The following LANCL1 variants were observed in gnomAD, a reference collection of about 807,000 sequenced individuals.
LANCL1 encodes glutathione S-transferase LANCL1.
Under a neutral mutation model 50.6 loss-of-function variants are expected in LANCL1, and 50 were observed. That is an observed-to-expected ratio of 0.99 (90% confidence interval 0.79 to 1.25). LANCL1 has a LOEUF of 1.25. Ranked by LOEUF, LANCL1 falls within the 50% of genes most tolerant of loss-of-function variation. LANCL1 has a pLI of 0.00. For synonymous variants in LANCL1, 188 were observed against 178.6 expected (o/e 1.05, Z -0.42); for missense variants, 532 against 480.7 (o/e 1.11, Z -1.00).
rs761693716 is a variant in LANCL1 at position 210,476,306 on chromosome 2, C to A, written c.81+10G>T. 97 of 1,608,260 alleles carry A rather than the reference C, an allele frequency of 6.0e-5. No individual in the cohort carries two copies. Among genetic ancestry groups the A allele is most frequent in the Non-Finnish European group, 7.6e-5 (89 of 1,174,874 alleles). ...AGGCAGGGATGCAGGCAGACATATCCTAAACTCACCCTCCCGGCAGCATCA... is the reference window on the plus strand; with the variant it reads ...AGGCAGGGATGCAGGCAGACATATCATAAACTCACCCTCCCGGCAGCATCA... On this transcript the variant is annotated intron_variant, in intron 2 of 9. Coordinates refer to ENST00000450366, the MANE Select transcript of LANCL1 (RefSeq NM_006055.3).
chr2:210,440,688 C>T lies in LANCL1; in HGVS notation c.600G>A (p.Thr200=), dbSNP rs141027852. 39 of 1,613,862 alleles carry T rather than the reference C, an allele frequency of 2.4e-5. No homozygotes were observed. The highest frequency in any genetic ancestry group is 4.5e-5 in the East Asian group (2 of 44,866). Residue 200 remains threonine, a synonymous_variant, in exon 6 of 10, where the codon ACG becomes ACA. Transcript: ENST00000450366. ...ATTCATACATCAGTGGAGACTTTGC[C>T]GTGAAGTTTCTCTTCCTAGCTAGGT... is the stretch of plus-strand genomic sequence containing the variant. The part of the protein sequence containing the change: ...GENLARKRNF[T]AKSPLMYEWY...
Position 210,474,799 on chromosome 2 carries a change from G to C in LANCL1, c.81+1517C>G, listed in dbSNP as rs79382309. Reference sequence around the variant, plus strand: ...ATAAAAAGCATTTACTTTATAGGCAGTCTAAATAGGTACATTTTATTGAAG... The same window carrying C: ...ATAAAAAGCATTTACTTTATAGGCACTCTAAATAGGTACATTTTATTGAAG... On this transcript the variant is annotated intron_variant, in intron 2 of 9. Transcript: ENST00000450366. Among the ~76,000 whole-genome samples the C allele has an allele frequency of 9.7e-3, 1,466 of 151,538 alleles. 20 individuals carry two copies. Among genetic ancestry groups the C allele is most frequent in the African/African-American group, 0.033 (1,376 of 41,388 alleles).
At chr2:210,457,296 C>T (rs1693700964) in intron 3 of LANCL1, among the ~76,000 whole-genome samples, 1 of 152,096 alleles carries the variant, frequency 6.6e-6, no homozygotes, top group East Asian at 1.9e-4. Context: ...CATTTAATAC[C>T]TCATCAGTAT....
In LANCL1 at chr2:210,449,730, AC is replaced by A. The variant is rs1201537337; in HGVS notation, c.407+5376del. On this transcript the variant is annotated intron_variant, in intron 4 of 9. Coordinates refer to ENST00000450366, the MANE Select transcript of LANCL1 (RefSeq NM_006055.3). ...AGACAAAGAGCCAAATCATGGGTGAACTCCCATTCACAATTGTTACAAAGAG... is the reference window on the plus strand; with the variant it reads ...AGACAAAGAGCCAAATCATGGGTGAATCCCATTCACAATTGTTACAAAGAG... Among the ~76,000 whole-genome samples, 6 of 152,280 alleles carry A rather than the reference AC, an allele frequency of 3.9e-5. No individual in the cohort carries two copies. The East Asian group carries it at 1.2e-3, about 29-fold the overall frequency.
chr2:210,445,992 T>C (rs978678988), intron 4 of LANCL1, among the ~76,000 whole-genome samples: 15 of 152,206 alleles, frequency 9.9e-5, no homozygotes, highest in African/African-American at 3.6e-4. Flanking sequence ...CCTATCTCCC[T>C]AGGACAGAGC....
At position 210,436,104 on chromosome 2, in the gene LANCL1, TG is replaced by T. The variant is rs537532448; in HGVS notation, c.1050+111del. On this transcript the variant is annotated intron_variant, in intron 8 of 9. Coordinates refer to ENST00000450366, the MANE Select transcript of LANCL1 (RefSeq NM_006055.3). ...TTTTAGTAGACCATGTTAGCCAGGC[TG>T]GTCTCGAACTCCTGACCTCAGGTGA... The T allele has an allele frequency of 1.1e-4, 90 of 831,878 alleles. No homozygotes were observed. In the African/African-American group the frequency reaches 1.4e-3, roughly 13 times the overall value. 51.5% of individuals were successfully genotyped at this position (831,878 alleles called of 1,614,324 possible). A position where few individuals can be genotyped will look rare whatever the true frequency, so the allele number is the denominator to read the frequency against.
At chr2:210,464,316 A>T (rs1256238336) in intron 3 of LANCL1, among the ~76,000 whole-genome samples, 1 of 152,238 alleles carries the variant, frequency 6.6e-6, no homozygotes, top group Non-Finnish European at 1.5e-5. Context: ...GAAGTACTTT[A>T]GCAGAATTCT....
At chr2:210,463,257 CTGGA>C (rs1693928131) in intron 3 of LANCL1, among the ~76,000 whole-genome samples, 2 of 152,018 alleles carry the variant, frequency 1.3e-5, no homozygotes, top group South Asian at 4.2e-4. Flanking sequence ...GTTGCTCAGG[CTGGA>C]GTACAGTGGC....
Position 210,455,191 on chromosome 2 carries a change from C to T in LANCL1, c.323G>A (p.Cys108Tyr). 1.9e-6 allele frequency: 3 copies of T among 1,613,640 alleles called. No homozygotes were observed. The South Asian group carries it at 3.3e-5, about 18-fold the overall frequency. The change falls in exon 4 of 10, where the codon TGT (cysteine) becomes TAT (tyrosine). Residue 108 changes from cysteine to tyrosine, a missense_variant. Cys to Tyr is a radical substitution (Grantham distance 194). Coordinates refer to ENST00000450366, the MANE Select transcript of LANCL1 (RefSeq NM_006055.3). ...CLTKRSITFL[C>Y]GDAGPLAVAA... ...CACTGCCAGGGGGCCTGCATCCCCA[C>T]AAAGGAAGGTGATGGAGCGCTTGGT...
In LANCL1 at chr2:210,455,137, T is replaced by A. The variant is rs767136946; in HGVS notation, c.377A>T (p.Asn126Ile). 7 of 1,613,562 alleles carry A rather than the reference T, an allele frequency of 4.3e-6. No individual in the cohort carries two copies. The highest frequency in any genetic ancestry group is 5.1e-6 in the Non-Finnish European group (6 of 1,179,714). Residue 126 changes from asparagine (N) to isoleucine (I), a missense_variant, in exon 4 of 10, where the codon AAT becomes ATT. By Grantham distance (149) the Asn-to-Ile change is moderately radical. Coordinates refer to ENST00000450366, the MANE Select transcript of LANCL1 (RefSeq NM_006055.3). ...GATGCAATCTTCTGCCTGCTTCTCA[T>A]TGTTCATCTTGTGATATAGCACAGC... ...VAAVLYHKMN[N>I]EKQAEDCITR...
At chr2:210,465,974 T>G (rs186303794) in intron 3 of LANCL1, among the ~76,000 whole-genome samples, 1 of 152,306 alleles carries the variant, frequency 6.6e-6, no homozygotes, top group African/African-American at 2.4e-5. Context: ...GGGTTTATGA[T>G]CAGGACTACC....
At chr2:210,437,130 TG>T (rs1378496346) in intron 7 of LANCL1, among the ~76,000 whole-genome samples, 1 of 152,214 alleles carries the variant, frequency 6.6e-6, no homozygotes, top group Non-Finnish European at 1.5e-5. Flanking sequence ...TGCAGTTCTG[TG>T]AAGGCATGCT....
intron 2 of LANCL1, 68 bp from the exon 3 acceptor site, chr2:210,472,144 C>A: frequency 9.8e-7 from 1 of 1,022,782 alleles, no homozygotes; most frequent in Non-Finnish European, 1.5e-6. Context: ...TATAAGCTAT[C>A]AAAGACAGAA....
chr2:210,457,862 T>A (rs1574431899), intron 3 of LANCL1, among the ~76,000 whole-genome samples: 1 of 152,296 alleles, frequency 6.6e-6, no homozygotes, highest in African/African-American at 2.4e-5. Context: ...TTTCCAAATG[T>A]ATCTTGCCTT....
chr2:210,457,395 T>C (rs896463277), intron 3 of LANCL1, among the ~76,000 whole-genome samples: 4 of 152,272 alleles, frequency 2.6e-5, no homozygotes, highest in East Asian at 3.9e-4. Flanking sequence ...CTGATCTTTA[T>C]GGTCCTCAAC....
At chr2:210,444,197 AAAAC>A (rs1325001181) in intron 4 of LANCL1, among the ~76,000 whole-genome samples, 5 of 152,188 alleles carry the variant, frequency 3.3e-5, no homozygotes, top group Non-Finnish European at 7.3e-5. Flanking sequence ...ATGTACAACA[AAAAC>A]AAACAAAATC....
intron 3 of LANCL1, among the ~76,000 whole-genome samples, chr2:210,461,816 A>G (rs1025362806): frequency 6.6e-6 from 1 of 152,142 alleles, no homozygotes; most frequent in African/African-American, 2.4e-5. Flanking sequence ...AGTGGGAAAA[A>G]AAATGAAATA....
rs1693628545 is a variant in LANCL1 at position 210,455,196 on chromosome 2, G to C, written c.318C>G (p.Phe106Leu). 4.3e-6 allele frequency: 7 copies of C among 1,613,580 alleles called. No individual in the cohort carries two copies. Among genetic ancestry groups the C allele is most frequent in the African/African-American group, 1.3e-5 (1 of 74,864 alleles). ...LNCLTKRSIT[F>L]LCGDAGPLAV... is the part of the protein sequence containing the mutation. ...CCAGGGGGCCTGCATCCCCACAAAG[G>C]AAGGTGATGGAGCGCTTGGTTAAGC... Residue 106 changes from phenylalanine to leucine, a missense_variant, in exon 4 of 10, where the codon TTC becomes TTG. Physicochemically the swap from Phe to Leu is conservative, Grantham distance 22. Transcript: ENST00000450366.
intron 7 of LANCL1, among the ~76,000 whole-genome samples, chr2:210,436,868 T>C (rs941641385): frequency 1.1e-4 from 16 of 152,218 alleles, no homozygotes; most frequent in African/African-American, 3.1e-4. Flanking sequence ...CATCAAAGAC[T>C]TAGGAAATAT....
Sources: gnomAD v4.1 joint callset for allele counts (sites outside exome capture counted in the v4.1 genomes callset) on GRCh38, gnomAD v4.1.1 for gene constraint, MANE v1.5 for transcripts, NCBI Gene and HGNC (gene_info 2026-07-23, HGNC 2026-07-21) for gene names.